The following UGT1A8 variants were observed in gnomAD, a reference collection of about 807,000 sequenced individuals.
UGT1A8 encodes the protein UDP glucuronosyltransferase family 1 member A8.
UGT1A8 carries 39 observed loss-of-function variants against 45.3 expected under a neutral mutation model. That is an observed-to-expected ratio of 0.86 (90% CI 0.67 to 1.12). UGT1A8 has a LOEUF of 1.12. UGT1A8 is among the 50% of genes most tolerant of loss of function. The pLI is 0.00. For missense variants in UGT1A8, 719 were observed against 664.9 expected (o/e 1.08, Z -0.90); for synonymous variants, 275 against 249.2 (o/e 1.10, Z -0.97).
chr2:233,737,385 T>G (rs1256116347), intron 1 of UGT1A8, among the ~76,000 whole-genome samples: 3 of 152,226 alleles, frequency 2.0e-5, no homozygotes, highest in Non-Finnish European at 4.4e-5. Flanking sequence ...AGAATCTCCT[T>G]GTCTGCCAGT....
chr2:233,633,216 A>G (rs1490119386), intron 1 of UGT1A8, among the ~76,000 whole-genome samples: 2 of 152,156 alleles, frequency 1.3e-5, no homozygotes, highest in Non-Finnish European at 2.9e-5. Context: ...GTTTGCCAGT[A>G]CTTTATTGAG....
At position 233,756,997 on chromosome 2, in the gene UGT1A8, A is replaced by G. The variant is rs1051475353; in HGVS notation, c.856-10037A>G. Among the ~76,000 whole-genome samples the G allele has an allele frequency of 5.9e-5, 9 of 151,946 alleles. No homozygotes were observed. The highest frequency in any genetic ancestry group is 1.9e-4 in the African/African-American group (8 of 41,328). On this transcript the variant is annotated intron_variant, in intron 1 of 4. Coordinates refer to ENST00000373450, the MANE Select transcript of UGT1A8 (RefSeq NM_019076.5). ...AATGAACAGTCATAGTAAGCTGGCC[A>G]AGGGTAGAGTTCAGTTTGAACAAAG...
chr2:233,672,265 G>A (rs377398548), intron 1 of UGT1A8: 5 of 1,613,982 alleles, frequency 3.1e-6, no homozygotes, highest in Non-Finnish European at 4.2e-6. Context: ...TCTATTAATG[G>A]GTTCATACAA....
chr2:233,682,111 C>T (rs1559339332), intron 1 of UGT1A8: 1 of 1,614,196 alleles, frequency 6.2e-7, no homozygotes, highest in Non-Finnish European at 8.5e-7. Flanking sequence ...TGGTCGTAGT[C>T]ATGCCAGAGG....
intron 1 of UGT1A8, among the ~76,000 whole-genome samples, chr2:233,640,495 A>G (rs570219885): frequency 6.6e-6 from 1 of 152,292 alleles, no homozygotes; most frequent in East Asian, 1.9e-4. Flanking sequence ...GCCCATAATT[A>G]ATTTACCTCC....
Position 233,618,311 on chromosome 2 carries a change from AC to A in UGT1A8, c.605del (p.Thr202IlefsTer27), listed in dbSNP as rs1486595302. The A allele has an allele frequency of 1.6e-5, 26 of 1,613,790 alleles. No homozygotes were observed. The highest frequency in any genetic ancestry group is 2.2e-5 in the Non-Finnish European group (26 of 1,179,856). On this transcript the variant is annotated frameshift_variant, in exon 1 of 5. Coordinates refer to ENST00000373450, the MANE Select transcript of UGT1A8 (RefSeq NM_019076.5). LOFTEE classifies it high-confidence loss of function. ...RILLGFSDAM[T>X]FKERVRNHIM... ...TCTCTTAGGGTTCTCAGATGCCATGACTTTCAAGGAGAGAGTACGGAACCAC... is the reference window on the plus strand; with the variant it reads ...TCTCTTAGGGTTCTCAGATGCCATGATTTCAAGGAGAGAGTACGGAACCAC...
At position 233,679,554 on chromosome 2, in the gene UGT1A8, T is replaced by G. The variant is rs116184103; in HGVS notation, c.855+60992T>G. Among the ~76,000 whole-genome samples the G allele has an allele frequency of 3.6e-3, 555 of 152,294 alleles. 6 individuals are homozygous for G. The highest frequency in any genetic ancestry group is 0.013 in the African/African-American group (531 of 41,562). On this transcript the variant is annotated intron_variant, in intron 1 of 4. Transcript: ENST00000373450. The stretch of plus-strand genomic sequence containing the variant: ...ATGTCTTTTGTGTCATCTTTTTTTT[T>G]GTTTGTTTGTTTTTGTTTTTTCCAG...
chr2:233,679,874 T>C (rs2074464966), intron 1 of UGT1A8, among the ~76,000 whole-genome samples: 1 of 152,180 alleles, frequency 6.6e-6, no homozygotes, highest in Non-Finnish European at 1.5e-5. Context: ...GCCTTTCTTA[T>C]AGCAATCCTA....
At chr2:233,634,257 A>G (rs768745503) in intron 1 of UGT1A8, among the ~76,000 whole-genome samples, 3 of 152,120 alleles carry the variant, frequency 2.0e-5, no homozygotes, top group Non-Finnish European at 4.4e-5. Context: ...AATAAGTGCA[A>G]TGTGGTGCTG....
chr2:233,767,826 T>C (rs1204368520), intron 2 of UGT1A8, 23 bp from the exon 3 acceptor site: 5 of 1,614,208 alleles, frequency 3.1e-6, no homozygotes, highest in South Asian at 2.2e-5. Flanking sequence ...TTCTTTACGT[T>C]CTGCTCTTTT....
intron 1 of UGT1A8, chr2:233,730,114 C>T: frequency 1.3e-6 from 2 of 1,562,004 alleles, no homozygotes; most frequent in South Asian, 1.2e-5. Flanking sequence ...TCTGCTTCTC[C>T]TTGTCATAAT....
chr2:233,640,090 TG>T (rs1427822811), intron 1 of UGT1A8, among the ~76,000 whole-genome samples: 1 of 152,186 alleles, frequency 6.6e-6, no homozygotes, highest in African/African-American at 2.4e-5. Context: ...CTTTCCCCAT[TG>T]CTCTAAGATT....
intron 1 of UGT1A8, chr2:233,747,911 C>T (rs1693810314): frequency 6.2e-7 from 1 of 1,613,510 alleles, no homozygotes; most frequent in East Asian, 2.2e-5. Flanking sequence ...CTTATGCAAG[C>T]CTTGCCTCTG....
At chr2:233,753,258 G>C (rs935441896) in intron 1 of UGT1A8, 1 of 152,170 alleles carries the variant, frequency 6.6e-6, no homozygotes. Context: ...CAACTACCCA[G>C]GCACCTTGGA....
At position 233,767,169 on chromosome 2, in the gene UGT1A8, A is replaced by G; in HGVS notation, c.987+4A>G. On this transcript the variant is annotated splice_donor_region_variant and intron_variant, in intron 2 of 4. Coordinates refer to ENST00000373450, the MANE Select transcript of UGT1A8 (RefSeq NM_019076.5). The stretch of plus-strand genomic sequence containing the variant: ...TTTGGGCAAAATCCCTCAGACAGTA[A>G]GAAGATTCTATACCATGGCCTCATA... 1.2e-6 allele frequency: 2 copies of G among 1,614,122 alleles called. No homozygotes were observed. The highest frequency in any genetic ancestry group is 1.7e-6 in the Non-Finnish European group (2 of 1,180,012).
intron 1 of UGT1A8, chr2:233,637,095 C>T (rs2125459332): frequency 6.2e-7 from 1 of 1,613,914 alleles, no homozygotes; most frequent in East Asian, 2.2e-5. Context: ...CCTATGTCCC[C>T]AATGATCTCT....
intron 1 of UGT1A8, among the ~76,000 whole-genome samples, chr2:233,681,569 T>G (rs1372123824): frequency 6.6e-6 from 1 of 152,046 alleles, no homozygotes; most frequent in African/African-American, 2.4e-5. Flanking sequence ...AAATTTTTCT[T>G]TGTGACAAAT....
In UGT1A8 at chr2:233,618,500, G is replaced by A. The variant is rs143085154; in HGVS notation, c.793G>A (p.Val265Met). The A allele has an allele frequency of 3.2e-5, 51 of 1,613,672 alleles. No individual in the cohort carries two copies. Among genetic ancestry groups the A allele is most frequent in the South Asian group, 5.5e-5 (5 of 91,070 alleles). The stretch of plus-strand genomic sequence containing the variant: ...CTTTGTTTTGGACTATCCCAAACCC[G>A]TGATGCCCAATATGATCTTCATTGG... ...TDFVLDYPKP[V>M]MPNMIFIGGI... Residue 265 changes from valine to methionine, a missense_variant, in exon 1 of 5, where the codon GTG (valine) becomes ATG (methionine). By Grantham distance (21) the Val-to-Met change is conservative. Transcript: ENST00000373450.
chr2:233,629,427 T>C (rs2073148458), intron 1 of UGT1A8, among the ~76,000 whole-genome samples: 2 of 152,150 alleles, frequency 1.3e-5, no homozygotes, highest in African/African-American at 4.8e-5. Flanking sequence ...ATTAATTTTC[T>C]AATGTCAAAC....
Sources: allele counts gnomAD v4.1 joint callset (sites outside exome capture counted in the v4.1 genomes callset), GRCh38; gene constraint gnomAD v4.1.1; transcripts MANE v1.5; gene names NCBI Gene and HGNC (gene_info 2026-07-23, HGNC 2026-07-21).